Variants in DRD3 observed in about 807,000 individuals in gnomAD.
The protein encoded by DRD3 is dopamine receptor D3.
DRD3 carries 19 observed loss-of-function variants against 36.3 expected under a neutral mutation model. The observed-to-expected ratio is 0.52, with a 90% CI of 0.36 to 0.77. DRD3 has a LOEUF of 0.77. Among genes scored for constraint, DRD3 ranks in the 30% least tolerant of loss-of-function variants. The pLI is 0.00. For synonymous variants in DRD3, 195 were observed against 203.7 expected (o/e 0.96, Z 0.36); for missense variants, 465 against 505.3 (o/e 0.92, Z 0.77).
intron 6 of DRD3, among the ~76,000 whole-genome samples, chr3:114,129,806 C>T (rs904197557): frequency 1.3e-5 from 2 of 152,022 alleles, no homozygotes; most frequent in African/African-American, 4.8e-5. Flanking sequence ...ACCTGTAATC[C>T]CAGCAGTTTG....
At chr3:114,195,030 A>G (rs1197770728) in intron 1 of DRD3, among the ~76,000 whole-genome samples, 1 of 152,022 alleles carries the variant, frequency 6.6e-6, no homozygotes, top group African/African-American at 2.4e-5. Flanking sequence ...GCTCTAATCT[A>G]CTCATCAGTG....
intron 1 of DRD3, among the ~76,000 whole-genome samples, chr3:114,186,499 G>A (rs769934119): frequency 4.6e-5 from 7 of 152,182 alleles, no homozygotes; most frequent in Non-Finnish European, 1.0e-4. Flanking sequence ...AACAACCGTG[G>A]TAGCATACTC....
chr3:114,193,164 A>G (rs2078020032), intron 1 of DRD3, among the ~76,000 whole-genome samples: 3 of 152,090 alleles, frequency 2.0e-5, no homozygotes, highest in African/African-American at 7.2e-5. Flanking sequence ...CTGTAGTCCC[A>G]GCTACTTGGG....
At chr3:114,193,970 T>A (rs1333419663) in intron 1 of DRD3, among the ~76,000 whole-genome samples, 1 of 152,224 alleles carries the variant, frequency 6.6e-6, no homozygotes, top group Non-Finnish European at 1.5e-5. Context: ...TTCTGCACTC[T>A]TGGTCAGTTC....
At chr3:114,141,506 A>T (rs981894222) in intron 4 of DRD3, among the ~76,000 whole-genome samples, 1 of 152,184 alleles carries the variant, frequency 6.6e-6, no homozygotes, top group African/African-American at 2.4e-5. Context: ...ACTGAAAGGG[A>T]AGGTAACATC....
intron 1 of DRD3, among the ~76,000 whole-genome samples, chr3:114,196,582 C>G (rs1303532163): frequency 6.6e-6 from 1 of 152,212 alleles, no homozygotes; most frequent in Non-Finnish European, 1.5e-5. Flanking sequence ...AGTGGCTGTA[C>G]TATTTTACAT....
At chr3:114,191,964 G>T (rs1287742560) in intron 1 of DRD3, among the ~76,000 whole-genome samples, 2 of 152,236 alleles carry the variant, frequency 1.3e-5, no homozygotes, top group Non-Finnish European at 2.9e-5. Context: ...GTTTGCTATA[G>T]TAAGGGAGTC....
intron 3 of DRD3, among the ~76,000 whole-genome samples, chr3:114,158,356 T>C (rs1038132178): frequency 7.2e-5 from 11 of 152,220 alleles, no homozygotes; most frequent in Non-Finnish European, 1.3e-4. Flanking sequence ...ATGTGAGTTA[T>C]ATCTTCATAA....
At position 114,193,087 on chromosome 3, in the gene DRD3, G is replaced by C. The variant is rs550212822; in HGVS notation, c.-156+6186C>G. ...GAGGTCAGGAGATCGAGACCATCCTGGCTAACACGGTGAAACCCCGCCTCT... is the reference window on the plus strand; with the variant it reads ...GAGGTCAGGAGATCGAGACCATCCTCGCTAACACGGTGAAACCCCGCCTCT... On this transcript the variant is annotated intron_variant, in intron 1 of 7. Coordinates refer to the DRD3 transcript ENST00000460779. Among the ~76,000 whole-genome samples the C allele has an allele frequency of 9.9e-5, 15 of 152,118 alleles. No individual in the cohort carries two copies. The East Asian group carries it at 2.9e-3, about 29-fold the overall frequency.
At chr3:114,170,719 G>A (rs1401750413) in intron 2 of DRD3, among the ~76,000 whole-genome samples, 2 of 152,116 alleles carry the variant, frequency 1.3e-5, no homozygotes, top group Admixed American at 6.5e-5. Flanking sequence ...CCCGTGATAT[G>A]TCATACTTAA....
chr3:114,170,341 A>G (rs1400177645), intron 2 of DRD3, among the ~76,000 whole-genome samples: 1 of 152,194 alleles, frequency 6.6e-6, no homozygotes, highest in East Asian at 1.9e-4. Context: ...TATAGCAGTT[A>G]GCATGTATTT....
rs552584382 is a variant in DRD3 at position 114,139,454 on chromosome 3, A to C, written c.723+46T>G. 5.1e-6 allele frequency: 8 copies of C among 1,563,928 alleles called. No individual in the cohort carries two copies. In the South Asian group the frequency reaches 5.9e-5, roughly 12 times the overall value. The stretch of plus-strand genomic sequence containing the variant: ...ACTGCTGGACACAGGCTGGGAAGTC[A>C]GGAGATTGGGTGTTGTCTTCCCTCT... On this transcript the variant is annotated intron_variant, in intron 5 of 6. Coordinates refer to ENST00000383673, the MANE Select transcript of DRD3 (RefSeq NM_000796.6).
intron 3 of DRD3, among the ~76,000 whole-genome samples, chr3:114,152,377 G>A (rs1392287486): frequency 6.6e-6 from 1 of 152,182 alleles, no homozygotes; most frequent in African/African-American, 2.4e-5. Context: ...ACAAGCAAGT[G>A]CATCTTATGA....
rs59436054 is a variant in DRD3, at chr3:114,143,278, C to G, written c.527-3582G>C. ...AGAGGATAATGGAGAAGGCCTGTGC[C>G]GGGGGAGGGGAGGTTACTCCTCCTC... On this transcript the variant is annotated intron_variant, in intron 4 of 6. Transcript: ENST00000383673. Among the ~76,000 whole-genome samples, 1,425 of 152,276 alleles carry G rather than the reference C, an allele frequency of 9.4e-3. 23 individuals carry two copies. The highest frequency in any genetic ancestry group is 0.032 in the African/African-American group (1,309 of 41,550).
intron 3 of DRD3, among the ~76,000 whole-genome samples, chr3:114,158,883 A>G (rs1311782813): frequency 6.6e-6 from 1 of 152,114 alleles, no homozygotes; most frequent in Non-Finnish European, 1.5e-5. Flanking sequence ...TCAGAGCAGG[A>G]ATGGGAGGAG....
chr3:114,140,635 G>A (rs1475628326), intron 4 of DRD3, among the ~76,000 whole-genome samples: 1 of 152,206 alleles, frequency 6.6e-6, no homozygotes, highest in Non-Finnish European at 1.5e-5. Context: ...AGCTCAGAGA[G>A]GTTCAGTAAG....
intron 3 of DRD3, among the ~76,000 whole-genome samples, 193 bp downstream of exon 3, chr3:114,159,562 G>A (rs1305640478): frequency 6.6e-6 from 1 of 152,122 alleles, no homozygotes; most frequent in Non-Finnish European, 1.5e-5. Flanking sequence ...AAAGCTTATA[G>A]GGTCGTTATT....
intron 5 of DRD3, among the ~76,000 whole-genome samples, chr3:114,138,370 C>T (rs2077494020): frequency 6.6e-6 from 1 of 152,112 alleles, no homozygotes. Context: ...TTAATGGATT[C>T]ACAGTTCCAT....
chr3:114,144,698 C>A (rs1222137665), intron 4 of DRD3, among the ~76,000 whole-genome samples: 2 of 152,132 alleles, frequency 1.3e-5, no homozygotes, highest in South Asian at 4.2e-4. Context: ...AACCATAACA[C>A]CAGCTAATAT....
Sources: gnomAD v4.1 joint callset for allele counts (sites outside exome capture counted in the v4.1 genomes callset) on GRCh38, gnomAD v4.1.1 for gene constraint, MANE v1.5 for transcripts, NCBI Gene and HGNC (gene_info 2026-07-23, HGNC 2026-07-21) for gene names.